COL4A4: variants seen among roughly 807,000 people sequenced by gnomAD.
The protein encoded by COL4A4 is collagen alpha-4(IV) chain.
Under a neutral mutation model 192.9 loss-of-function variants are expected in COL4A4, and 105 were observed. The observed-to-expected ratio is 0.54, with a 90% CI of 0.46 to 0.64. The LOEUF (loss-of-function observed/expected upper bound fraction) is 0.64, where lower values mean the gene tolerates loss of function less well. COL4A4 is among the 30% of genes least tolerant of loss of function. The pLI is 0.00. For missense variants in COL4A4, 1,967 were observed against 2,169.3 expected (o/e 0.91, Z 1.85); for synonymous variants, 762 against 769.9 (o/e 0.99, Z 0.17).
At chr2:227,091,922 GAAAGAAAAGA>G (rs1553674153) in intron 20 of COL4A4, among the ~76,000 whole-genome samples, 17 of 60,294 alleles carry the variant, frequency 2.8e-4, no homozygotes, top group Non-Finnish European at 4.0e-4. Flanking sequence ...AAGAAAGAAA[GAAAGAAAAGA>G]AAAGAAAAGA....
At chr2:227,144,669 G>A (rs1229957436) in intron 2 of COL4A4, 111 bp from the exon 3 acceptor site, 3 of 862,226 alleles carry the variant, frequency 3.5e-6, no homozygotes, top group Non-Finnish European at 5.7e-6. Flanking sequence ...TTTCTATGAG[G>A]CTGCTCCTAC....
chr2:227,017,795 A>T (rs1410372433), intron 44 of COL4A4, among the ~76,000 whole-genome samples: 1 of 150,654 alleles, frequency 6.6e-6, no homozygotes, highest in East Asian at 1.9e-4. Flanking sequence ...AGATTTTTTA[A>T]TTTTTTTTTT....
At chr2:227,107,725 T>G (rs1232537838) in intron 12 of COL4A4, among the ~76,000 whole-genome samples, 1 of 151,894 alleles carries the variant, frequency 6.6e-6, no homozygotes, top group Non-Finnish European at 1.5e-5. Context: ...TCAGATTGTT[T>G]CCAGGTGAGT....
the COL4A4 span, among the ~76,000 whole-genome samples, chr2:226,974,922 A>G: frequency 6.6e-6 from 1 of 152,158 alleles, no homozygotes; most frequent in South Asian, 2.1e-4. Flanking sequence ...CAGGCCATGT[A>G]TCTCTTCCAG....
chr2:227,068,096 G>A (rs1010688931), intron 25 of COL4A4, among the ~76,000 whole-genome samples: 8 of 143,458 alleles, frequency 5.6e-5, no homozygotes, highest in Admixed American at 1.4e-4. Flanking sequence ...ACACCTCTAC[G>A]CAAATAAACT....
rs765660028 is a variant in COL4A4, at chr2:227,012,136, T to C, written c.4333+45A>G. 3.4e-6 allele frequency: 5 copies of C among 1,452,902 alleles called. No homozygotes were observed. The South Asian group carries it at 5.7e-5, about 17-fold the overall frequency. The allele number at this position is 1,452,902 out of a possible 1,614,324, so 90.0% of individuals were successfully genotyped here. Reference sequence around the variant, plus strand: ...AGATCAGAGATTTTGTATACAACTCTAAGGTTTACAGTGTCAGAGAAAAGA... The same window carrying C: ...AGATCAGAGATTTTGTATACAACTCCAAGGTTTACAGTGTCAGAGAAAAGA... On this transcript the variant is annotated intron_variant, in intron 45 of 47. Transcript: ENST00000396625.
rs182277027 is a variant in COL4A4 at position 227,042,407 on chromosome 2, C to A, written c.3398-152G>T. On this transcript the variant is annotated intron_variant, in intron 36 of 47. Coordinates refer to ENST00000396625, the MANE Select transcript of COL4A4 (RefSeq NM_000092.5). ...CATCTTAACTCTAGGGAGAAAAATA[C>A]ATTTAAATTCAGGAGGAGAAAATAC... 4.9e-4 allele frequency: 306 copies of A among 624,282 alleles called. 2 individuals are homozygous for A. The highest frequency in any genetic ancestry group is 3.8e-4 in the Non-Finnish European group (133 of 348,770). The allele number at this position is 624,282 out of a possible 1,614,324, so 38.7% of individuals were successfully genotyped here.
At chr2:227,139,959 G>A (rs1051190473) in intron 4 of COL4A4, among the ~76,000 whole-genome samples, 4 of 152,124 alleles carry the variant, frequency 2.6e-5, no homozygotes, top group South Asian at 2.1e-4. Flanking sequence ...TGGGTGAATC[G>A]CAGCTTCCTA....
Position 227,010,338 on chromosome 2 carries a change from T to A in COL4A4, c.4497A>T (p.Gln1499His), listed in dbSNP as rs755476275. Residue 1499 changes from glutamine to histidine, a missense_variant, in exon 46 of 48, where the codon CAA (glutamine) becomes CAT (histidine). Physicochemically the swap from Gln to His is conservative, Grantham distance 24. Coordinates refer to ENST00000396625, the MANE Select transcript of COL4A4 (RefSeq NM_000092.5). ...CAAGGTCTTGATTGTGAGCTTTCTCTTGCCCTTCCAGGTATAACAGACTAT... is the reference window on the plus strand; with the variant it reads ...CAAGGTCTTGATTGTGAGCTTTCTCATGCCCTTCCAGGTATAACAGACTAT... ...TGYSLLYLEG[Q>H]EKAHNQDLGL... 1 of 1,614,134 alleles carries A rather than the reference T, an allele frequency of 6.2e-7. No homozygotes were observed. Among genetic ancestry groups the A allele is most frequent in the Non-Finnish European group, 8.5e-7 (1 of 1,180,058 alleles).
At position 227,055,635 on chromosome 2, in the gene COL4A4, A is replaced by G. The variant is rs749159058; in HGVS notation, c.2716+310T>C. 3.6e-4 allele frequency among the ~76,000 whole-genome samples: 55 copies of G among 152,224 alleles called. 1 individual carries two copies. Among genetic ancestry groups the G allele is most frequent in the Admixed American group, 6.5e-4 (10 of 15,290 alleles). ...CCTAATCCCCTAACAGGGGGTAGGG[A>G]TGAGAGTGGGGACCCCCTCCAAAAT... On this transcript the variant is annotated intron_variant, in intron 30 of 47. Coordinates refer to ENST00000396625, the MANE Select transcript of COL4A4 (RefSeq NM_000092.5).
intron 25 of COL4A4, among the ~76,000 whole-genome samples, chr2:227,070,055 C>T (rs1225534957): frequency 1.1e-4 from 16 of 151,204 alleles, no homozygotes; most frequent in Admixed American, 2.6e-4. Context: ...AAAAAGTGGG[C>T]GAAGGACATG....
intron 37 of COL4A4, among the ~76,000 whole-genome samples, chr2:227,034,272 A>G (rs566813751): frequency 1.3e-5 from 2 of 152,200 alleles, no homozygotes; most frequent in African/African-American, 4.8e-5. Context: ...TTATCAACGT[A>G]TGTTGAGTTG....
intron 44 of COL4A4, among the ~76,000 whole-genome samples, chr2:227,012,799 G>A (rs1270907380): frequency 1.3e-5 from 2 of 152,130 alleles, no homozygotes; most frequent in Non-Finnish European, 2.9e-5. Flanking sequence ...TTTTAAAATA[G>A]CTTTTTACTG....
chr2:226,991,797 T>C, the COL4A4 span, among the ~76,000 whole-genome samples: 1 of 152,190 alleles, frequency 6.6e-6, no homozygotes, highest in Non-Finnish European at 1.5e-5. Context: ...GTTGTCAAAC[T>C]TCAGAATCAT....
chr2:227,049,315 T>G (rs1973548633), intron 34 of COL4A4, among the ~76,000 whole-genome samples: 1 of 152,264 alleles, frequency 6.6e-6, no homozygotes, highest in South Asian at 2.1e-4. Flanking sequence ...AGCACTGTTT[T>G]TGACACAAGG....
chr2:227,088,431 T>A (rs1008062270), intron 22 of COL4A4, among the ~76,000 whole-genome samples: 11 of 152,288 alleles, frequency 7.2e-5, no homozygotes, highest in South Asian at 6.2e-4. Flanking sequence ...TCTTCCCTGT[T>A]CATGCTCTCT....
chr2:227,150,628 C>T (rs955646694), intron 1 of COL4A4, among the ~76,000 whole-genome samples: 8 of 152,032 alleles, frequency 5.3e-5, no homozygotes, highest in African/African-American at 1.5e-4. Flanking sequence ...TTTGCATTTC[C>T]GCATGGTTGG....
intron 4 of COL4A4, among the ~76,000 whole-genome samples, chr2:227,132,272 G>A (rs1011932853): frequency 1.3e-5 from 2 of 151,954 alleles, no homozygotes; most frequent in African/African-American, 4.8e-5. Flanking sequence ...AGTGCCTGGC[G>A]CTCCTCAGGC....
At chr2:227,062,151 TC>T (rs575628017) in intron 26 of COL4A4, among the ~76,000 whole-genome samples, 175 of 150,652 alleles carry the variant, frequency 1.2e-3, no homozygotes, top group African/African-American at 4.1e-3. Context: ...GGCGGAAGAA[TC>T]ATTGAACCTG....
Sources: allele counts gnomAD v4.1 joint callset (sites outside exome capture counted in the v4.1 genomes callset), GRCh38; gene constraint gnomAD v4.1.1; transcripts MANE v1.5; gene names NCBI Gene and HGNC (gene_info 2026-07-23, HGNC 2026-07-21).